The following SH3RF3 variants were observed in gnomAD, a reference collection of about 807,000 sequenced individuals.
The protein encoded by SH3RF3 is E3 ubiquitin-protein ligase SH3RF3.
Under a neutral mutation model 66.3 loss-of-function variants are expected in SH3RF3, and 29 were observed. The ratio of observed to expected loss-of-function variants is 0.44; its 90% confidence interval spans 0.33 to 0.60. SH3RF3 has a LOEUF of 0.60. Among genes scored for constraint, SH3RF3 ranks in the 20% least tolerant of loss-of-function variants. The pLI is 0.04. For synonymous variants in SH3RF3, 583 were observed against 532.0 expected (o/e 1.10, Z -1.32); for missense variants, 1,194 against 1,190.9 (o/e 1.00, Z -0.04).
intron 1 of SH3RF3, among the ~76,000 whole-genome samples, chr2:109,245,541 A>T (rs1679896225): frequency 6.6e-6 from 1 of 152,168 alleles, no homozygotes; most frequent in African/African-American, 2.4e-5. Context: ...TTTTATTTTT[A>T]TTGGACAAAC....
At chr2:109,262,232 A>C (rs1558988799) in intron 1 of SH3RF3, among the ~76,000 whole-genome samples, 1 of 152,230 alleles carries the variant, frequency 6.6e-6, no homozygotes. Flanking sequence ...TTCTGCATTT[A>C]ACCATCTGAG....
intron 1 of SH3RF3, among the ~76,000 whole-genome samples, chr2:109,279,881 G>T (rs920879497): frequency 6.6e-6 from 1 of 152,042 alleles, no homozygotes; most frequent in Non-Finnish European, 1.5e-5. Flanking sequence ...GGGCCCCTGG[G>T]GGGTGAGAGA....
At chr2:109,154,358 A>C (rs990676443) in intron 1 of SH3RF3, among the ~76,000 whole-genome samples, 1 of 152,100 alleles carries the variant, frequency 6.6e-6, no homozygotes, top group South Asian at 2.1e-4. Context: ...GTTTTGGGGA[A>C]GCTTCTGGGT....
intron 8 of SH3RF3, among the ~76,000 whole-genome samples, chr2:109,473,037 G>A (rs1678566267): frequency 1.3e-5 from 2 of 152,252 alleles, no homozygotes; most frequent in Non-Finnish European, 2.9e-5. Context: ...GAGATGGCAA[G>A]GAGACAGGGT....
intron 1 of SH3RF3, among the ~76,000 whole-genome samples, chr2:109,212,786 C>T (rs1262349983): frequency 6.6e-6 from 1 of 151,850 alleles, no homozygotes; most frequent in East Asian, 1.9e-4. Context: ...CCCTCTGCCC[C>T]TGGTATTTCC....
At chr2:109,175,297 T>C (rs1457315928) in intron 1 of SH3RF3, among the ~76,000 whole-genome samples, 5 of 152,224 alleles carry the variant, frequency 3.3e-5, no homozygotes, top group African/African-American at 1.2e-4. Flanking sequence ...AATCTTTGCA[T>C]GGTTTTATCT....
chr2:109,241,079 T>C (rs968443914), intron 1 of SH3RF3, among the ~76,000 whole-genome samples: 2 of 152,200 alleles, frequency 1.3e-5, no homozygotes, highest in Non-Finnish European at 2.9e-5. Context: ...TAAGTGGCCT[T>C]AGTAGTAAGC....
intron 3 of SH3RF3, among the ~76,000 whole-genome samples, chr2:109,391,072 C>G (rs1027912717): frequency 3.3e-5 from 5 of 152,190 alleles, no homozygotes; most frequent in African/African-American, 1.2e-4. Flanking sequence ...AGGGTTTTGT[C>G]CAGTCCATAA....
rs956201886 is a variant in SH3RF3, at chr2:109,504,209, C to G, written c.*2538C>G. 6.6e-6 allele frequency: 1 copy of G among 152,216 alleles called. No individual in the cohort carries two copies. Among genetic ancestry groups the G allele is most frequent in the African/African-American group, 2.4e-5 (1 of 41,442 alleles). 9.4% of individuals were successfully genotyped at this position (152,216 alleles called of 1,614,324 possible). A position where few individuals can be genotyped will look rare whatever the true frequency, so the allele number is the denominator to read the frequency against. ...GTTTGGCGGTTAAGATGAAACTAAC[C>G]CTTATGTTTCATCCTGGCCCCATGA... On this transcript the variant is annotated 3_prime_UTR_variant, in exon 10 of 10. Transcript: ENST00000309415.
chr2:109,364,252 C>T (rs902495580), intron 2 of SH3RF3, among the ~76,000 whole-genome samples: 7 of 151,696 alleles, frequency 4.6e-5, no homozygotes, highest in African/African-American at 1.7e-4. Flanking sequence ...CTTTCCTCAA[C>T]TGTGTCCAGT....
At chr2:109,310,751 A>G (rs1184383550) in intron 1 of SH3RF3, among the ~76,000 whole-genome samples, 1 of 92,056 alleles carries the variant, frequency 1.1e-5, no homozygotes, top group Non-Finnish European at 1.9e-5. Context: ...GAAGAAATGG[A>G]TAAATTCCTC....
chr2:109,250,483 A>C (rs1181533031), intron 1 of SH3RF3, among the ~76,000 whole-genome samples: 1 of 151,914 alleles, frequency 6.6e-6, no homozygotes, highest in Non-Finnish European at 1.5e-5. Context: ...AATATTTATT[A>C]TTATTATTAA....
chr2:109,270,358 C>A (rs1428284146), intron 1 of SH3RF3, among the ~76,000 whole-genome samples: 2 of 152,180 alleles, frequency 1.3e-5, no homozygotes, highest in African/African-American at 4.8e-5. Context: ...CAGAAAGCTG[C>A]CTAGCGGGAT....
intron 7 of SH3RF3, among the ~76,000 whole-genome samples, chr2:109,439,589 C>T (rs970721662): frequency 6.6e-6 from 1 of 152,142 alleles, no homozygotes; most frequent in Non-Finnish European, 1.5e-5. Flanking sequence ...TTGGCCATAG[C>T]ATCCAATATG....
intron 3 of SH3RF3, among the ~76,000 whole-genome samples, chr2:109,373,868 C>T (rs1466395615): frequency 6.6e-6 from 1 of 152,174 alleles, no homozygotes; most frequent in Non-Finnish European, 1.5e-5. Flanking sequence ...TTGGGCCCCT[C>T]AGCCCCTCCT....
At chr2:109,201,893 G>C (rs1019042722) in intron 1 of SH3RF3, among the ~76,000 whole-genome samples, 11 of 152,216 alleles carry the variant, frequency 7.2e-5, no homozygotes, top group Admixed American at 2.0e-4. Context: ...CTACCAATGA[G>C]TCTGACACAT....
intron 1 of SH3RF3, among the ~76,000 whole-genome samples, chr2:109,193,131 AT>A (rs1678408806): frequency 6.6e-6 from 1 of 152,202 alleles, no homozygotes; most frequent in African/African-American, 2.4e-5. Context: ...CAGCAGTTGG[AT>A]TTTGAATCCC....
intron 8 of SH3RF3, among the ~76,000 whole-genome samples, chr2:109,467,173 G>A (rs1322018690): frequency 6.6e-6 from 1 of 152,236 alleles, no homozygotes; most frequent in African/African-American, 2.4e-5. Flanking sequence ...CCTACACAAA[G>A]GCTCCTGCAT....
intron 4 of SH3RF3, among the ~76,000 whole-genome samples, chr2:109,399,928 C>T (rs542058456): frequency 5.3e-5 from 8 of 152,340 alleles, no homozygotes; most frequent in South Asian, 2.1e-4. Context: ...TTTCTCCCTG[C>T]GCTGCAGCCT....
Sources: allele counts gnomAD v4.1 joint callset (sites outside exome capture counted in the v4.1 genomes callset), GRCh38; gene constraint gnomAD v4.1.1; transcripts MANE v1.5; gene names NCBI Gene and HGNC (gene_info 2026-07-23, HGNC 2026-07-21).